Variants in IL18R1 observed in about 807,000 individuals in gnomAD.
IL18R1 encodes the protein interleukin 18 receptor 1, also known as interleukin-18 receptor 1.
IL18R1 carries 40 observed loss-of-function variants against 48.5 expected under a neutral mutation model. That is an observed-to-expected ratio of 0.82 (90% CI 0.64 to 1.07). The LOEUF (loss-of-function observed/expected upper bound fraction) is 1.07, where lower values mean the gene tolerates loss of function less well. Ranked by LOEUF, IL18R1 falls within the 50% of genes least tolerant of loss-of-function variation. The probability of loss-of-function intolerance (pLI) is 0.00; values close to 1 mark genes in which losing one functional copy is unlikely to be tolerated. For synonymous variants in IL18R1, 232 were observed against 225.9 expected (o/e 1.03, Z -0.24); for missense variants, 596 against 633.7 (o/e 0.94, Z 0.64).
chr2:102,357,883 TG>T (rs1678344714), intron 1 of IL18R1, among the ~76,000 whole-genome samples: 1 of 150,638 alleles, frequency 6.6e-6, no homozygotes, highest in Non-Finnish European at 1.5e-5. Flanking sequence ...AGTTTAAGCG[TG>T]TGTGTGTGTG....
rs111916153 is a variant in IL18R1 at position 102,378,088 on chromosome 2, A to G, written c.625+2025A>G. On this transcript the variant is annotated intron_variant, in intron 5 of 10. Transcript: ENST00000233957. The stretch of plus-strand genomic sequence containing the variant: ...TGTTACTTTGATACTTTCAGAACCT[A>G]CACCCTCTTTCCCACCATCTTTGCT... Among the ~76,000 whole-genome samples, 26 of 152,300 alleles carry G rather than the reference A, an allele frequency of 1.7e-4. 1 individual carries two copies. Among genetic ancestry groups the G allele is most frequent in the African/African-American group, 6.0e-4 (25 of 41,566 alleles).
At chr2:102,373,338 T>C (rs1305320914) in intron 4 of IL18R1, among the ~76,000 whole-genome samples, 1 of 152,138 alleles carries the variant, frequency 6.6e-6, no homozygotes, top group Non-Finnish European at 1.5e-5. Context: ...GAAACCATCA[T>C]TCTCAGAAAA....
intron 5 of IL18R1, among the ~76,000 whole-genome samples, chr2:102,379,107 C>A (rs1191763112): frequency 6.6e-6 from 1 of 152,142 alleles, no homozygotes; most frequent in South Asian, 2.1e-4. Flanking sequence ...GACAGATTAA[C>A]AAGGGGCAAG....
At chr2:102,386,809 T>C (rs1680255958) in intron 7 of IL18R1, 52 bp from the exon 8 acceptor site, 1 of 1,589,796 alleles carries the variant, frequency 6.3e-7, no homozygotes, top group South Asian at 1.1e-5. Flanking sequence ...TGAATTCCCC[T>C]CTCAAGGGTA....
chr2:102,364,374 G>T (rs1053597784), intron 2 of IL18R1, among the ~76,000 whole-genome samples: 2 of 152,188 alleles, frequency 1.3e-5, no homozygotes, highest in East Asian at 3.8e-4. Flanking sequence ...CACTGCTACA[G>T]CATGAATGCA....
chr2:102,375,392 G>A (rs534491074), intron 4 of IL18R1, among the ~76,000 whole-genome samples: 1 of 152,216 alleles, frequency 6.6e-6, no homozygotes, highest in Admixed American at 6.5e-5. Flanking sequence ...TAATCAGCTC[G>A]CTGGCTTCTG....
At position 102,371,952 on chromosome 2, in the gene IL18R1, GA is replaced by G. The variant is rs1312324115; in HGVS notation, c.305del (p.Asn102IlefsTer8). 6.6e-7 allele frequency: 1 copy of G among 1,508,938 alleles called. No individual in the cohort carries two copies. The highest frequency in any genetic ancestry group is 9.0e-7 in the Non-Finnish European group (1 of 1,107,162). The allele number at this position is 1,508,938 out of a possible 1,614,324, so 93.5% of individuals were successfully genotyped here. On this transcript the variant is annotated frameshift_variant and splice_region_variant, in exon 4 of 11. Coordinates refer to ENST00000233957, the MANE Select transcript of IL18R1 (RefSeq NM_003855.5). LOFTEE classifies it high-confidence loss of function. ...NDTGSYFFQM[K>X]NYTQKWKLNV... ...AATACCTTTACACTTTTATTCCATA[GA>G]AATTATACTCAGAAATGGAAATTAA... is the stretch of plus-strand genomic sequence containing the variant.
At position 102,376,078 on chromosome 2, in the gene IL18R1, A is replaced by C. The variant is rs1194808925; in HGVS notation, c.625+15A>C. 19 of 1,543,334 alleles carry C rather than the reference A, an allele frequency of 1.2e-5. No individual in the cohort carries two copies. The highest frequency in any genetic ancestry group is 1.7e-5 in the Non-Finnish European group (19 of 1,149,066). On this transcript the variant is annotated intron_variant, in intron 5 of 10. Transcript: ENST00000233957. ...AATAGTGGAAGGTAAGGGAAATCTTAGAATTGGGAAGAAACAGACGTATTT... is the reference window on the plus strand; with the variant it reads ...AATAGTGGAAGGTAAGGGAAATCTTCGAATTGGGAAGAAACAGACGTATTT...
At chr2:102,381,746 G>T in intron 6 of IL18R1, 64 bp downstream of exon 6, 1 of 1,026,224 alleles carries the variant, frequency 9.7e-7, no homozygotes. Flanking sequence ...CCTTCCAAGC[G>T]TAAATATGAT....
chr2:102,396,100 G>A (rs1423899984), intron 10 of IL18R1, among the ~76,000 whole-genome samples: 1 of 151,982 alleles, frequency 6.6e-6, no homozygotes, highest in Non-Finnish European at 1.5e-5. Context: ...TCTGCTTGAG[G>A]AGAAGCAGGA....
chr2:102,395,133 T>C (rs1437464313), intron 10 of IL18R1, among the ~76,000 whole-genome samples: 2 of 152,014 alleles, frequency 1.3e-5, no homozygotes, highest in Non-Finnish European at 2.9e-5. Context: ...AAGGGAAAAA[T>C]AACAGGAAAG....
chr2:102,378,615 T>C (rs1463725929), intron 5 of IL18R1, among the ~76,000 whole-genome samples: 1 of 152,240 alleles, frequency 6.6e-6, no homozygotes, highest in Non-Finnish European at 1.5e-5. Context: ...GCTGTCAGAA[T>C]TGCAATACAT....
At chr2:102,372,513 A>C (rs1053134636) in intron 4 of IL18R1, among the ~76,000 whole-genome samples, 1 of 152,222 alleles carries the variant, frequency 6.6e-6, no homozygotes, top group African/African-American at 2.4e-5. Flanking sequence ...CATTTTATAA[A>C]ATTGGAAATG....
Position 102,384,965 on chromosome 2 carries a change from C to A in IL18R1, c.776C>A (p.Pro259His), listed in dbSNP as rs374004770. ...WMFGEENGSD[P>H]NIHEEKEMRI... ...TTCGGGGAAGAAAATGGATCGGATC[C>A]TAATATACATGAAGAGAAAGAAATG... Residue 259 changes from proline to histidine, a missense_variant, in exon 7 of 11, where the codon CCT (proline) becomes CAT (histidine). By Grantham distance (77) the Pro-to-His change is moderately conservative. This residue lies in a region of IL18R1 where 360 missense variants were observed against 339.4 expected (regional missense o/e 1.06). Transcript: ENST00000233957. 1.2e-5 allele frequency: 19 copies of A among 1,601,186 alleles called. No homozygotes were observed. The highest frequency in any genetic ancestry group is 5.0e-5 in the Admixed American group (3 of 59,784).
chr2:102,358,448 G>T (rs1384817086), intron 1 of IL18R1, among the ~76,000 whole-genome samples: 1 of 152,120 alleles, frequency 6.6e-6, no homozygotes, highest in Non-Finnish European at 1.5e-5. Context: ...AAAACTTCAT[G>T]CCTTTGGGTG....
intron 9 of IL18R1, among the ~76,000 whole-genome samples, chr2:102,391,795 C>T (rs559388696): frequency 6.6e-5 from 10 of 152,310 alleles, no homozygotes; most frequent in Non-Finnish European, 1.0e-4. Flanking sequence ...ATTTGCATTT[C>T]CCTTACTATG....
chr2:102,386,712 T>C (rs758328698), intron 7 of IL18R1, 149 bp from the exon 8 acceptor site: 3 of 777,792 alleles, frequency 3.9e-6, no homozygotes, highest in Non-Finnish European at 6.3e-6. Context: ...GGGACGTTTA[T>C]TGTAGTCCAT....
At chr2:102,386,414 A>G (rs2105109210) in intron 7 of IL18R1, among the ~76,000 whole-genome samples, 1 of 152,354 alleles carries the variant, frequency 6.6e-6, no homozygotes, top group Non-Finnish European at 1.5e-5. Context: ...TTAATGCTGA[A>G]CACATTAAAC....
At chr2:102,388,394 A>G (rs1680366610) in intron 8 of IL18R1, among the ~76,000 whole-genome samples, 1 of 152,192 alleles carries the variant, frequency 6.6e-6, no homozygotes, top group Non-Finnish European at 1.5e-5. Flanking sequence ...CTCAGACCCG[A>G]TTAAATCTGG....
Sources: allele counts gnomAD v4.1 joint callset (sites outside exome capture counted in the v4.1 genomes callset), GRCh38; gene constraint gnomAD v4.1.1; regional missense constraint gnomAD v4.1.1; transcripts MANE v1.5; gene names NCBI Gene and HGNC (gene_info 2026-07-23, HGNC 2026-07-21).